The following DPP6 variants were observed in gnomAD, a reference collection of about 807,000 sequenced individuals.
DPP6 encodes the protein A-type potassium channel modulatory protein DPP6.
A neutral mutation model predicts 122.6 loss-of-function variants in DPP6; 69 were observed. The ratio of observed to expected loss-of-function variants is 0.56; its 90% CI spans 0.46 to 0.69. The LOEUF (loss-of-function observed/expected upper bound fraction) is 0.69, where lower values mean the gene tolerates loss of function less well. Ranked by LOEUF, DPP6 falls within the 30% of genes least tolerant of loss-of-function variation. The pLI is 0.00. For synonymous variants in DPP6, 418 were observed against 433.1 expected (o/e 0.97, Z 0.43); for missense variants, 928 against 1,116.9 (o/e 0.83, Z 2.41).
intron 20 of DPP6, among the ~76,000 whole-genome samples, chr7:154,878,257 G>A (rs865813173): frequency 6.6e-6 from 1 of 152,202 alleles, no homozygotes. Context: ...GAATTAGAGG[G>A]CAAAGGTGTT....
At chr7:153,966,267 TTG>T (rs1162814083) in intron 1 of DPP6, among the ~76,000 whole-genome samples, 2 of 151,166 alleles carry the variant, frequency 1.3e-5, no homozygotes, top group African/African-American at 2.5e-5. Flanking sequence ...AGCAATTGCT[TTG>T]TGTGTTTGTG....
intron 5 of DPP6, among the ~76,000 whole-genome samples, chr7:154,583,751 C>G (rs539293292): frequency 6.6e-6 from 1 of 152,196 alleles, no homozygotes; most frequent in African/African-American, 2.4e-5. Flanking sequence ...CGCATCACAT[C>G]TCTGTTCTGG....
chr7:153,942,370 C>T (rs903773840), intron 1 of DPP6, among the ~76,000 whole-genome samples: 3 of 152,224 alleles, frequency 2.0e-5, no homozygotes, highest in African/African-American at 7.2e-5. Context: ...GGGAAGAAAG[C>T]TTCTTCATGA....
At chr7:154,767,457 C>A (rs2131540736) in intron 8 of DPP6, among the ~76,000 whole-genome samples, 1 of 152,320 alleles carries the variant, frequency 6.6e-6, no homozygotes, top group East Asian at 1.9e-4. Flanking sequence ...AAAGTCACTT[C>A]TGAGTCACCT....
intron 5 of DPP6, among the ~76,000 whole-genome samples, chr7:154,599,541 A>C (rs1382756544): frequency 6.6e-6 from 1 of 151,394 alleles, no homozygotes; most frequent in Non-Finnish European, 1.5e-5. Flanking sequence ...TTTAAGTTCT[A>C]GGGTACATGT....
intron 1 of DPP6, among the ~76,000 whole-genome samples, chr7:154,286,505 A>G (rs1804860240): frequency 6.6e-6 from 1 of 152,148 alleles, no homozygotes. Context: ...CTATCAGGGG[A>G]CTTGAAATGT....
the DPP6 span, among the ~76,000 whole-genome samples, chr7:153,760,640 A>T: frequency 1.3e-5 from 2 of 152,152 alleles, no homozygotes; most frequent in Non-Finnish European, 2.9e-5. Context: ...GATTATAATT[A>T]TCCCTATGCT....
chr7:154,537,137 C>T (rs889646896), intron 3 of DPP6, among the ~76,000 whole-genome samples: 1 of 151,934 alleles, frequency 6.6e-6, no homozygotes, highest in African/African-American at 2.4e-5. Context: ...TAAGAAAATG[C>T]ACTTTCAACA....
intron 2 of DPP6, among the ~76,000 whole-genome samples, chr7:154,449,655 T>A (rs1251066747): frequency 3.3e-5 from 5 of 152,102 alleles, no homozygotes; most frequent in Non-Finnish European, 7.3e-5. Flanking sequence ...ACAGCATTAA[T>A]GATAATAGCC....
At chr7:154,082,484 G>T (rs1482041127) in intron 1 of DPP6, among the ~76,000 whole-genome samples, 1 of 152,004 alleles carries the variant, frequency 6.6e-6, no homozygotes, top group Non-Finnish European at 1.5e-5. Flanking sequence ...GCAGTGAGGA[G>T]TAGCAAGAAG....
At chr7:154,482,958 A>C (rs1455273923) in intron 3 of DPP6, among the ~76,000 whole-genome samples, 1 of 152,278 alleles carries the variant, frequency 6.6e-6, no homozygotes, top group South Asian at 2.1e-4. Context: ...TTGGAGTGGA[A>C]GTCTATGAGC....
At chr7:154,413,070 C>T (rs558407864) in intron 1 of DPP6, among the ~76,000 whole-genome samples, 23 of 152,344 alleles carry the variant, frequency 1.5e-4, no homozygotes, top group Admixed American at 2.6e-4. Context: ...TGAGGGAGAA[C>T]CTGCACTTCT....
At chr7:153,846,684 G>GTTTT in the DPP6 span, among the ~76,000 whole-genome samples, 6 of 117,666 alleles carry the variant, frequency 5.1e-5, no homozygotes, top group Non-Finnish European at 8.3e-5. Context: ...AGGTGGCTTG[G>GTTTT]TTCTTTTTTT....
chr7:153,969,560 T>C (rs1327481290), intron 1 of DPP6, among the ~76,000 whole-genome samples: 8 of 148,028 alleles, frequency 5.4e-5, no homozygotes, highest in Non-Finnish European at 8.8e-5. Flanking sequence ...GAAAGTTACC[T>C]AAGTCAGGAT....
chr7:154,651,533 G>A (rs763639983), intron 6 of DPP6, among the ~76,000 whole-genome samples: 11 of 152,078 alleles, frequency 7.2e-5, no homozygotes, highest in East Asian at 1.9e-4. Flanking sequence ...GCACCATGCC[G>A]GAGCTAGGGC....
At chr7:154,641,435 T>A (rs1195715076) in intron 6 of DPP6, among the ~76,000 whole-genome samples, 1 of 152,204 alleles carries the variant, frequency 6.6e-6, no homozygotes, top group Non-Finnish European at 1.5e-5. Context: ...AAATAAGGAA[T>A]CTTCCATGGT....
chr7:153,803,002 T>C, the DPP6 span, among the ~76,000 whole-genome samples: 291 of 151,176 alleles, frequency 1.9e-3, 2 homozygotes, highest in Middle Eastern at 3.4e-3. Flanking sequence ...TAGAAAAACA[T>C]GCTTCAGATT....
chr7:154,341,528 G>C (rs766445188), intron 1 of DPP6, among the ~76,000 whole-genome samples: 1 of 151,760 alleles, frequency 6.6e-6, no homozygotes, highest in Non-Finnish European at 1.5e-5. Flanking sequence ...CTTCTTGACT[G>C]TCCAAAAAAG....
At chr7:154,465,713 T>G (rs4323396) in intron 2 of DPP6, among the ~76,000 whole-genome samples, 82,602 of 152,020 alleles carry the variant, frequency 0.54, 23,465 homozygotes, top group African/African-American at 0.7. Context: ...AACAACAGAT[T>G]CTGGAGAGGA....
Sources: gnomAD v4.1 joint callset for allele counts (sites outside exome capture counted in the v4.1 genomes callset) on GRCh38, gnomAD v4.1.1 for gene constraint, MANE v1.5 for transcripts, NCBI Gene and HGNC (gene_info 2026-07-23, HGNC 2026-07-21) for gene names.